CHCHD3: variants seen among roughly 807,000 people sequenced by gnomAD.
CHCHD3 encodes MICOS complex subunit MIC19.
Under a neutral mutation model 38.2 loss-of-function variants are expected in CHCHD3, and 20 were observed. The ratio of observed to expected loss-of-function variants is 0.52; its 90% CI spans 0.37 to 0.76. The LOEUF (loss-of-function observed/expected upper bound fraction) is 0.76. Among genes scored for constraint, CHCHD3 ranks in the 30% least tolerant of loss-of-function variants. CHCHD3 has a pLI of 0.00. For synonymous variants in CHCHD3, 82 were observed against 100.0 expected (o/e 0.82, Z 1.07); for missense variants, 245 against 279.2 (o/e 0.88, Z 0.87).
intron 5 of CHCHD3, among the ~76,000 whole-genome samples, chr7:132,869,185 TA>T (rs2117146431): frequency 6.6e-6 from 1 of 152,264 alleles, no homozygotes; most frequent in East Asian, 1.9e-4. Flanking sequence ...TAAGGTCTCC[TA>T]CAGTCCCACA....
At chr7:133,008,135 A>T (rs1489135733) in intron 3 of CHCHD3, among the ~76,000 whole-genome samples, 1 of 152,214 alleles carries the variant, frequency 6.6e-6, no homozygotes, top group Non-Finnish European at 1.5e-5. Context: ...AACACCCTTA[A>T]GATGACTATC....
rs1003762659 is a variant in CHCHD3 at position 132,889,329 on chromosome 7, A to T, written c.370-3584T>A. ...CTTTGTTCACAAAGTGAGATTTTTT[A>T]AAATGCAAAAAAAATCATAATGGAT... On this transcript the variant is annotated intron_variant, in intron 4 of 7. Transcript: ENST00000262570. 2.5e-4 allele frequency among the ~76,000 whole-genome samples: 38 copies of T among 152,166 alleles called. 2 individuals carry two copies. The highest frequency in any genetic ancestry group is 7.5e-4 in the African/African-American group (31 of 41,536).
At chr7:133,063,745 A>C (rs1814589145) in intron 2 of CHCHD3, among the ~76,000 whole-genome samples, 1 of 152,218 alleles carries the variant, frequency 6.6e-6, no homozygotes, top group African/African-American at 2.4e-5. Context: ...CAACTAATGT[A>C]ACTTTCCAGA....
At chr7:132,928,329 C>T (rs1357015502) in intron 4 of CHCHD3, among the ~76,000 whole-genome samples, 1 of 152,204 alleles carries the variant, frequency 6.6e-6, no homozygotes, top group Non-Finnish European at 1.5e-5. Flanking sequence ...CTTCTCAGGA[C>T]ACTGGAATAG....
At chr7:132,846,205 A>C (rs1406227540) in intron 5 of CHCHD3, among the ~76,000 whole-genome samples, 1 of 152,170 alleles carries the variant, frequency 6.6e-6, no homozygotes, top group Non-Finnish European at 1.5e-5. Flanking sequence ...TGGGCACCAG[A>C]ATACGACAAC....
At chr7:132,944,854 C>G (rs1344734309) in intron 4 of CHCHD3, among the ~76,000 whole-genome samples, 1 of 151,972 alleles carries the variant, frequency 6.6e-6, no homozygotes, top group East Asian at 1.9e-4. Context: ...TTTAATATAA[C>G]TGTCAATATG....
At chr7:132,914,393 A>G (rs1288782454) in intron 4 of CHCHD3, among the ~76,000 whole-genome samples, 5 of 152,236 alleles carry the variant, frequency 3.3e-5, no homozygotes, top group Non-Finnish European at 1.5e-5. Context: ...CTAATGCCTC[A>G]AAGATCCAGA....
intron 4 of CHCHD3, among the ~76,000 whole-genome samples, chr7:132,894,507 A>G (rs1253212290): frequency 1.3e-5 from 2 of 152,170 alleles, no homozygotes; most frequent in South Asian, 2.1e-4. Context: ...AAACCTTTCA[A>G]TATGTTTCCT....
intron 3 of CHCHD3, among the ~76,000 whole-genome samples, chr7:133,006,616 A>G (rs1479631365): frequency 2.6e-5 from 4 of 152,192 alleles, no homozygotes; most frequent in Admixed American, 6.5e-5. Flanking sequence ...ACAGTGAGAA[A>G]AAAACAAGGA....
At chr7:132,967,810 CAAGT>C (rs1207638240) in intron 4 of CHCHD3, among the ~76,000 whole-genome samples, 2 of 133,012 alleles carry the variant, frequency 1.5e-5, no homozygotes, top group African/African-American at 5.7e-5. Context: ...GCCTGGGCAA[CAAGT>C]AAGACCCTGT....
chr7:132,815,779 A>T (rs977595642), intron 6 of CHCHD3, among the ~76,000 whole-genome samples: 2 of 152,004 alleles, frequency 1.3e-5, no homozygotes, highest in Non-Finnish European at 2.9e-5. Flanking sequence ...TTTCTGGTTT[A>T]CGCACCGTCA....
chr7:132,999,006 T>A (rs1812496131), intron 3 of CHCHD3, among the ~76,000 whole-genome samples: 2 of 152,142 alleles, frequency 1.3e-5, no homozygotes, highest in Non-Finnish European at 2.9e-5. Flanking sequence ...GTTAGGAATG[T>A]TAGCATTTTA....
At chr7:133,015,020 T>G (rs559129331) in intron 3 of CHCHD3, among the ~76,000 whole-genome samples, 3 of 152,264 alleles carry the variant, frequency 2.0e-5, no homozygotes, top group African/African-American at 4.8e-5. Flanking sequence ...CCATTGTCAC[T>G]GAAAATGTGC....
intron 4 of CHCHD3, among the ~76,000 whole-genome samples, chr7:132,966,370 G>C (rs11981132): frequency 0.27 from 40,732 of 152,010 alleles, 5,766 homozygotes; most frequent in African/African-American, 0.34. Flanking sequence ...TGCCCCCATC[G>C]CCAAATCAGG....
intron 6 of CHCHD3, among the ~76,000 whole-genome samples, chr7:132,822,365 T>G (rs1327470339): frequency 4.6e-5 from 7 of 152,170 alleles, no homozygotes; most frequent in Non-Finnish European, 1.0e-4. Flanking sequence ...AAATGCAGTA[T>G]TTTTAAATTA....
chr7:132,883,776 T>C (rs1809133161), intron 5 of CHCHD3, among the ~76,000 whole-genome samples: 1 of 152,166 alleles, frequency 6.6e-6, no homozygotes, highest in Admixed American at 6.6e-5. Flanking sequence ...TGACATTCTC[T>C]AAACCATTTC....
At chr7:132,865,154 G>A (rs1231933954) in intron 5 of CHCHD3, among the ~76,000 whole-genome samples, 1 of 152,204 alleles carries the variant, frequency 6.6e-6, no homozygotes, top group Non-Finnish European at 1.5e-5. Context: ...TATATGGCGT[G>A]AGAAAAACAA....
chr7:132,796,063 C>T (rs1312350820), intron 7 of CHCHD3, among the ~76,000 whole-genome samples: 1 of 151,986 alleles, frequency 6.6e-6, no homozygotes, highest in Non-Finnish European at 1.5e-5. Flanking sequence ...CTACCTACGG[C>T]TTATGGGCCC....
At chr7:133,040,256 T>C (rs1307593040) in intron 2 of CHCHD3, among the ~76,000 whole-genome samples, 2 of 152,168 alleles carry the variant, frequency 1.3e-5, no homozygotes, top group Non-Finnish European at 2.9e-5. Context: ...CTTTTTTCAT[T>C]ATCCCTACTG....
Sources: allele counts gnomAD v4.1 joint callset (sites outside exome capture counted in the v4.1 genomes callset), GRCh38; gene constraint gnomAD v4.1.1; transcripts MANE v1.5; gene names NCBI Gene and HGNC (gene_info 2026-07-23, HGNC 2026-07-21).